The following TECTB variants were observed in gnomAD, a reference collection of about 807,000 sequenced individuals.
The protein encoded by TECTB is tectorin beta.
A neutral mutation model predicts 43.3 loss-of-function variants in TECTB; 45 were observed. The observed-to-expected ratio is 1.04, with a 90% CI of 0.82 to 1.33. The LOEUF is 1.33. TECTB is among the 40% of genes most tolerant of loss of function. The pLI is 0.00. For missense variants in TECTB, 399 were observed against 404.7 expected (o/e 0.99, Z 0.12); for synonymous variants, 169 against 156.7 (o/e 1.08, Z -0.59).
At position 112,298,159 on chromosome 10, in the gene TECTB, C is replaced by T. The variant is rs1848565344; in HGVS notation, c.762C>T (p.Ile254=). The T allele has an allele frequency of 3.7e-6, 6 of 1,614,218 alleles. No individual in the cohort carries two copies. Among genetic ancestry groups the T allele is most frequent in the Non-Finnish European group, 5.1e-6 (6 of 1,180,044 alleles). Residue 254 remains isoleucine (I), a synonymous_variant, in exon 8 of 11, where the codon ATC becomes ATT. Coordinates refer to ENST00000646139, the MANE Select transcript of TECTB (RefSeq NM_058222.3). ...TCAATGCTTTCCGGTTCCAGAACATCCCCAAACTCTCCAAGGTGTGGTTAC... is the reference window on the plus strand; with the variant it reads ...TCAATGCTTTCCGGTTCCAGAACATTCCCAAACTCTCCAAGGTGTGGTTAC... ...FQFNAFRFQN[I]PKLSKVWLHC...
intron 7 of TECTB, among the ~76,000 whole-genome samples, chr10:112,297,308 G>A (rs977247706): frequency 2.6e-5 from 4 of 152,074 alleles, no homozygotes; most frequent in African/African-American, 9.7e-5. Context: ...TGGACCAAGC[G>A]AGAACCACTA....
At position 112,303,513 on chromosome 10, in the gene TECTB, C is replaced by G; in HGVS notation, c.*201C>G. 1 of 636,062 alleles carries G rather than the reference C, an allele frequency of 1.6e-6. No homozygotes were observed. Among genetic ancestry groups the G allele is most frequent in the Non-Finnish European group, 2.7e-6 (1 of 366,694 alleles). 39.4% of individuals were successfully genotyped at this position (636,062 alleles called of 1,614,324 possible). ...TTTCTAAGAAAAACTTAGGCTACTT[C>G]CCGTGGCCCTTAGATCTCACAGTCC... On this transcript the variant is annotated 3_prime_UTR_variant, in exon 11 of 11. Transcript: ENST00000646139.
intron 8 of TECTB, among the ~76,000 whole-genome samples, chr10:112,298,738 T>C (rs1255904235): frequency 2.0e-5 from 3 of 152,200 alleles, no homozygotes; most frequent in African/African-American, 7.2e-5. Flanking sequence ...CATGGCTGAT[T>C]TGACCACGTG....
Position 112,304,918 on chromosome 10 carries a change from A to G in TECTB, c.*1606A>G, listed in dbSNP as rs886470275. The G allele has an allele frequency of 1.3e-5, 2 of 152,182 alleles. No homozygotes were observed. Among genetic ancestry groups the G allele is most frequent in the African/African-American group, 4.8e-5 (2 of 41,454 alleles). 9.4% of individuals were successfully genotyped at this position (152,182 alleles called of 1,614,324 possible). On this transcript the variant is annotated 3_prime_UTR_variant, in exon 11 of 11. Coordinates refer to ENST00000646139, the MANE Select transcript of TECTB (RefSeq NM_058222.3). ...ATAGCATACTCATAGCCATGTTCAA[A>G]TCCTTTGCTGTCAGAATAAACCAAT...
At chr10:112,298,656 T>C (rs919685145) in intron 8 of TECTB, among the ~76,000 whole-genome samples, 22 of 152,286 alleles carry the variant, frequency 1.4e-4, no homozygotes, top group Admixed American at 1.2e-3. Context: ...GTGTTTTTAG[T>C]CTTGACTGAA....
In TECTB at chr10:112,286,364, G is replaced by C; in HGVS notation, c.456G>C (p.Glu152Asp). 6.2e-7 allele frequency: 1 copy of C among 1,609,900 alleles called. No individual in the cohort carries two copies. The highest frequency in any genetic ancestry group is 8.5e-7 in the Non-Finnish European group (1 of 1,176,408). ...HVKNGSMGTF[E>D]SQLSLNFYTN... ...AGAACGGGAGCATGGGCACATTTGAGAGCCAACTGTCTCTCAACTTCTACA... is the reference window on the plus strand; with the variant it reads ...AGAACGGGAGCATGGGCACATTTGACAGCCAACTGTCTCTCAACTTCTACA... The change falls in exon 5 of 11, where the codon GAG becomes GAC. Residue 152 changes from glutamate (E) to aspartate (D), a missense_variant. Coordinates refer to ENST00000646139, the MANE Select transcript of TECTB (RefSeq NM_058222.3).
intron 5 of TECTB, among the ~76,000 whole-genome samples, chr10:112,293,461 T>G (rs1047085617): frequency 6.6e-6 from 1 of 152,228 alleles, no homozygotes. Context: ...TTTCCATTAG[T>G]GAAATCTCAT....
At chr10:112,290,944 T>A (rs1848494294) in intron 5 of TECTB, among the ~76,000 whole-genome samples, 1 of 152,178 alleles carries the variant, frequency 6.6e-6, no homozygotes, top group East Asian at 1.9e-4. Context: ...CTCAACAAAG[T>A]CCCTGTGTGT....
chr10:112,292,641 G>T (rs556238143), intron 5 of TECTB, among the ~76,000 whole-genome samples: 2 of 151,958 alleles, frequency 1.3e-5, no homozygotes, highest in Non-Finnish European at 2.9e-5. Flanking sequence ...ACAGGGTTTC[G>T]TCATGTTGGC....
At chr10:112,284,465 T>C (rs1338494837) in intron 2 of TECTB, 70 bp from the exon 3 acceptor site, 21 of 1,407,762 alleles carry the variant, frequency 1.5e-5, no homozygotes, top group Non-Finnish European at 1.8e-5. Flanking sequence ...GTAGCTGGAA[T>C]CCACTGTTCG....
At position 112,303,304 on chromosome 10, in the gene TECTB, G is replaced by T; in HGVS notation, c.982G>T (p.Val328Leu). Residue 328 changes from valine (V) to leucine (L), a missense_variant, in exon 11 of 11, where the codon GTG becomes TTG. Physicochemically the swap from Val to Leu is conservative, Grantham distance 32. Transcript: ENST00000646139. ...HLIMMLGICA[V>L]L ...CATCATGATGTTGGGGATTTGTGCC[G>T]TGTTATAGGAGTTAGCCAGGCAGCT... 3.1e-6 allele frequency: 5 copies of T among 1,614,158 alleles called. No individual in the cohort carries two copies. The highest frequency in any genetic ancestry group is 1.3e-5 in the African/African-American group (1 of 75,020).
chr10:112,290,365 C>T (rs1399230032), intron 5 of TECTB, among the ~76,000 whole-genome samples: 1 of 152,200 alleles, frequency 6.6e-6, no homozygotes, highest in African/African-American at 2.4e-5. Flanking sequence ...GAATAGGTTT[C>T]TAATTTTCAC....
intron 2 of TECTB, 89 bp from the exon 3 acceptor site, chr10:112,284,446 T>C (rs772087525): frequency 1.1e-4 from 146 of 1,295,604 alleles, no homozygotes; most frequent in Non-Finnish European, 1.5e-4. Flanking sequence ...TGCTTTTGCA[T>C]GCTCAGGTGT....
In TECTB at chr10:112,303,877, T is replaced by C. The variant is rs994914444; in HGVS notation, c.*565T>C. On this transcript the variant is annotated 3_prime_UTR_variant, in exon 11 of 11. Transcript: ENST00000646139. ...ATACAATAGTTTTGCTCAAACCTAATGATATAAAGGAAATAGATTCTTGAA... is the reference window on the plus strand; with the variant it reads ...ATACAATAGTTTTGCTCAAACCTAACGATATAAAGGAAATAGATTCTTGAA... 2.6e-5 allele frequency: 4 copies of C among 154,074 alleles called. No individual in the cohort carries two copies. Among genetic ancestry groups the C allele is most frequent in the Non-Finnish European group, 4.3e-5 (3 of 69,176 alleles). The allele number at this position is 154,074 out of a possible 1,614,324, so 9.5% of individuals were successfully genotyped here.
intron 5 of TECTB, among the ~76,000 whole-genome samples, chr10:112,288,147 G>C (rs1227194132): frequency 6.6e-6 from 1 of 152,146 alleles, no homozygotes; most frequent in Non-Finnish European, 1.5e-5. Context: ...TTGAATCCCT[G>C]TCTGGAAGTG....
chr10:112,303,028 G>A (rs1848625738), intron 10 of TECTB: 3 of 549,100 alleles, frequency 5.5e-6, no homozygotes, highest in Non-Finnish European at 3.3e-6. Context: ...AAGCCCTAGA[G>A]TACCATGCAC....
chr10:112,284,821 T>G (rs949072883), intron 3 of TECTB, 96 bp downstream of exon 3: 50 of 1,159,568 alleles, frequency 4.3e-5, no homozygotes, highest in Non-Finnish European at 5.6e-5. Flanking sequence ...GATTCAGAAT[T>G]TACCCATTTC....
rs376229938 is a variant in TECTB, at chr10:112,299,520, G to A, written c.863G>A (p.Arg288Gln). ...VTCDKRKRLL[R>Q]DQTGGVLVVE... The stretch of plus-strand genomic sequence containing the variant: ...TGCGATAAACGGAAGCGCCTCCTGC[G>A]AGACCAGACCGGGGGAGTCCTGGTC... Residue 288 changes from arginine to glutamine, a missense_variant, in exon 9 of 11, where the codon CGA becomes CAA. Transcript: ENST00000646139. 2.2e-5 allele frequency: 36 copies of A among 1,614,068 alleles called. No homozygotes were observed. The highest frequency in any genetic ancestry group is 1.3e-4 in the East Asian group (6 of 44,896).
In TECTB at chr10:112,299,482, G is replaced by A. The variant is rs1589642031; in HGVS notation, c.835-10G>A. On this transcript the variant is annotated splice_polypyrimidine_tract_variant and intron_variant, in intron 8 of 10. Coordinates refer to ENST00000646139, the MANE Select transcript of TECTB (RefSeq NM_058222.3). ...CCGCTTCTCTCCTGTCTGCCTCTCT[G>A]GGTCTTCAGACCTGCGATAAACGGA... 6.2e-7 allele frequency: 1 copy of A among 1,614,096 alleles called. No homozygotes were observed. Among genetic ancestry groups the A allele is most frequent in the Non-Finnish European group, 8.5e-7 (1 of 1,179,972 alleles).
Sources: gnomAD v4.1 joint callset for allele counts (sites outside exome capture counted in the v4.1 genomes callset) on GRCh38, gnomAD v4.1.1 for gene constraint, MANE v1.5 for transcripts, NCBI Gene and HGNC (gene_info 2026-07-23, HGNC 2026-07-21) for gene names.